TICRR: variants seen among roughly 807,000 people sequenced by gnomAD.
The protein encoded by TICRR is treslin.
A neutral mutation model predicts 178.1 loss-of-function variants in TICRR; 132 were observed. That is an observed-to-expected ratio of 0.74 (90% CI 0.64 to 0.86). TICRR has a LOEUF of 0.86. Ranked by LOEUF, TICRR falls within the 40% of genes least tolerant of loss-of-function variation. The pLI is 0.00. For synonymous variants in TICRR, 991 were observed against 900.7 expected, an observed-to-expected ratio of 1.10 and a Z score of -1.79; for missense variants, 2,587 against 2,334.3, an observed-to-expected ratio of 1.11 and a Z score of -2.23.
chr15:89,600,924 T>C lies in TICRR; in HGVS notation c.2153+239T>C, dbSNP rs1429271574. Among the ~76,000 whole-genome samples, 4 of 151,904 alleles carry C rather than the reference T, an allele frequency of 2.6e-5. No homozygotes were observed. In the South Asian group the frequency reaches 8.3e-4, roughly 32 times the overall value. ...AGGTGAGCATGGTGGTGTACACCTG[T>C]AGCCCTAGCTACTTGGGATGCTGAA... On this transcript the variant is annotated intron_variant, in intron 9 of 21. Transcript: ENST00000268138.
At chr15:89,617,731 C>T (rs534588191) in intron 16 of TICRR, among the ~76,000 whole-genome samples, 3 of 142,536 alleles carry the variant, frequency 2.1e-5, no homozygotes, top group South Asian at 2.3e-4. Context: ...CTAGCTCTGT[C>T]GCCAGGCTGG....
chr15:89,580,903 A>G (rs1962713573), intron 1 of TICRR, among the ~76,000 whole-genome samples: 1 of 152,292 alleles, frequency 6.6e-6, no homozygotes, highest in Admixed American at 6.5e-5. Context: ...GTGGTGGCAC[A>G]TGCCTGTACT....
Position 89,576,041 on chromosome 15 carries a change from A to G in TICRR, c.455A>G (p.Asn152Ser). The G allele has an allele frequency of 6.2e-7, 1 of 1,610,486 alleles. No individual in the cohort carries two copies. Among genetic ancestry groups the G allele is most frequent in the South Asian group, 1.1e-5 (1 of 90,792 alleles). Residue 152 changes from asparagine to serine, a missense_variant, in exon 1 of 22, where the codon AAC (asparagine) becomes AGC (serine). Asn to Ser is a conservative substitution (Grantham distance 46). Coordinates refer to ENST00000268138, the MANE Select transcript of TICRR (RefSeq NM_152259.4). The stretch of plus-strand genomic sequence containing the variant: ...GAGGCCGCGCTCGGGGGCTTGGTGA[A>G]CGCCGTCTTCCTCCTGGCCCCCTGT... ...EAEAALGGLV[N>S]AVFLLAPCPH...
At chr15:89,611,666 T>G (rs1224399155) in intron 15 of TICRR, among the ~76,000 whole-genome samples, 1 of 152,128 alleles carries the variant, frequency 6.6e-6, no homozygotes, top group East Asian at 1.9e-4. Context: ...GTTCATTTTT[T>G]TTTTAATTAT....
rs4556765 is a variant in TICRR at position 89,596,031 on chromosome 15, C to A, written c.1900+420C>A. 2.3e-4 allele frequency among the ~76,000 whole-genome samples: 35 copies of A among 151,788 alleles called. No homozygotes were observed. In the South Asian group the frequency reaches 3.5e-3, roughly 15 times the overall value. On this transcript the variant is annotated intron_variant, in intron 7 of 21. Transcript: ENST00000268138. ...GTGTGTGAAATGTGCTTGATACATGCAAGGGAAGGCTGAAACAACAGTACT... is the reference window on the plus strand; with the variant it reads ...GTGTGTGAAATGTGCTTGATACATGAAAGGGAAGGCTGAAACAACAGTACT...
At position 89,608,830 on chromosome 15, in the gene TICRR, T is replaced by C; in HGVS notation, c.2750T>C (p.Phe917Ser). ...GTGACCAAAGTTCGAAGAAATCTTT[T>C]CAACCAGGAATTGCTTTCCCCTTCA... ...QEVTKVRRNL[F>S]NQELLSPSKR... The change falls in exon 15 of 22, where the codon TTC becomes TCC. Residue 917 changes from phenylalanine to serine, a missense_variant. Phe to Ser is a radical substitution (Grantham distance 155). Coordinates refer to ENST00000268138, the MANE Select transcript of TICRR (RefSeq NM_152259.4). 1.2e-6 allele frequency: 2 copies of C among 1,602,440 alleles called. No homozygotes were observed. Among genetic ancestry groups the C allele is most frequent in the Non-Finnish European group, 8.5e-7 (1 of 1,176,208 alleles).
chr15:89,598,925 TGA>T (rs1230397412), intron 7 of TICRR, among the ~76,000 whole-genome samples: 2 of 152,104 alleles, frequency 1.3e-5, no homozygotes, highest in African/African-American at 4.8e-5. Context: ...GAAGATCACT[TGA>T]GCCTGCCTGG....
intron 1 of TICRR, among the ~76,000 whole-genome samples, chr15:89,578,275 A>C (rs1245438556): frequency 6.6e-6 from 1 of 152,252 alleles, no homozygotes; most frequent in East Asian, 1.9e-4. Flanking sequence ...TTACAGATGG[A>C]AAATGAGCAA....
At chr15:89,586,780 G>A (rs1449717310) in intron 4 of TICRR, among the ~76,000 whole-genome samples, 1 of 152,188 alleles carries the variant, frequency 6.6e-6, no homozygotes, top group Non-Finnish European at 1.5e-5. Flanking sequence ...GGAAGCCTGT[G>A]GCTGCAGTGA....
chr15:89,601,198 T>C, intron 9 of TICRR, 100 bp from the exon 10 acceptor site: 1 of 950,002 alleles, frequency 1.1e-6, no homozygotes, highest in Non-Finnish European at 1.6e-6. Context: ...TCCTCCTTTT[T>C]GGTTGTTGTG....
At chr15:89,619,292 C>G (rs1963385958) in intron 17 of TICRR, among the ~76,000 whole-genome samples, 2 of 131,938 alleles carry the variant, frequency 1.5e-5, no homozygotes, top group Non-Finnish European at 3.1e-5. Flanking sequence ...CTGGCATGCT[C>G]TCCGCTCACT....
chr15:89,583,706 T>G (rs541826612), intron 2 of TICRR, among the ~76,000 whole-genome samples: 1 of 152,244 alleles, frequency 6.6e-6, no homozygotes, highest in South Asian at 2.1e-4. Flanking sequence ...GACAAGGTCT[T>G]GCTTTGTCAC....
rs541956530 is a variant in TICRR at position 89,606,951 on chromosome 15, T to A, written c.2722+126T>A. 3.1e-5 allele frequency: 22 copies of A among 701,530 alleles called. No homozygotes were observed. In the South Asian group the frequency reaches 4.0e-4, roughly 13 times the overall value. 43.5% of individuals were successfully genotyped at this position (701,530 alleles called of 1,614,324 possible). A position where few individuals can be genotyped will look rare whatever the true frequency, so the allele number is the denominator to read the frequency against. On this transcript the variant is annotated intron_variant, in intron 14 of 21. Transcript: ENST00000268138. ...TGTATGATTGTTGGCTAATAAAATA[T>A]GTCCAAATACCATGGACATAGTCCC...
rs1048496133 is a variant in TICRR at position 89,585,767 on chromosome 15, C to G, written c.1236C>G (p.Leu412=). 1 of 1,614,164 alleles carries G rather than the reference C, an allele frequency of 6.2e-7. No homozygotes were observed. Among genetic ancestry groups the G allele is most frequent in the East Asian group, 2.2e-5 (1 of 44,890 alleles). Residue 412 remains leucine, a synonymous_variant, in exon 4 of 22, where the codon CTC becomes CTG. Transcript: ENST00000268138. ...RPPITGVISP[L]SASAMILTVC... ...CCATCACTGGAGTTATTTCCCCACTCTCTGCCAGTGCTATGATCCTCACTG... is the reference window on the plus strand; with the variant it reads ...CCATCACTGGAGTTATTTCCCCACTGTCTGCCAGTGCTATGATCCTCACTG...
At chr15:89,581,939 C>T (rs1025504820) in intron 1 of TICRR, among the ~76,000 whole-genome samples, 1 of 152,172 alleles carries the variant, frequency 6.6e-6, no homozygotes, top group African/African-American at 2.4e-5. Context: ...GTGGGCAAGT[C>T]AGAGTGATGG....
chr15:89,625,742 C>T lies in TICRR; in HGVS notation c.5432C>T (p.Ala1811Val), dbSNP rs769022345. The change falls in exon 20 of 22, where the codon GCA becomes GTA. Residue 1811 changes from alanine (A) to valine (V), a missense_variant. Physicochemically the swap from Ala to Val is moderately conservative, Grantham distance 64 (BLOSUM62 0). Coordinates refer to ENST00000268138, the MANE Select transcript of TICRR (RefSeq NM_152259.4). ...KSKEGSPSWSAWQLPSTGDEE... is the reference protein window; with the variant it reads ...KSKEGSPSWSVWQLPSTGDEE... ...AAAGAGGGGTCTCCAAGTTGGAGTG[C>T]ATGGCAGCTACCCTCCACGGGAGAC... 2 of 1,612,804 alleles carry T rather than the reference C, an allele frequency of 1.2e-6. No homozygotes were observed. Among genetic ancestry groups the T allele is most frequent in the Non-Finnish European group, 1.7e-6 (2 of 1,179,690 alleles).
At chr15:89,621,296 C>A in intron 18 of TICRR, 97 bp from the exon 19 acceptor site, 1 of 1,283,846 alleles carries the variant, frequency 7.8e-7, no homozygotes, top group South Asian at 1.5e-5. Context: ...GCTGGGATTA[C>A]AGGCGTGAGC....
intron 1 of TICRR, chr15:89,580,136 G>C (rs1220528624): frequency 6.6e-6 from 1 of 152,284 alleles, no homozygotes; most frequent in Non-Finnish European, 1.5e-5. Context: ...TCCTGCATCA[G>C]CCTCCCTGGT....
At position 89,594,467 on chromosome 15, in the gene TICRR, G is replaced by A. The variant is rs747451969; in HGVS notation, c.1594G>A (p.Glu532Lys). ...NKEESSKTEGELIHCLAELYQ... is the reference protein window; with the variant it reads ...NKEESSKTEGKLIHCLAELYQ... ...GGAAGAGTCTTCCAAAACTGAAGGC[G>A]AATTAATACATTGCCTTGCCGAGCT... Residue 532 changes from glutamate (E) to lysine (K), a missense_variant, in exon 6 of 22, where the codon GAA (glutamate) becomes AAA (lysine). Glu to Lys is a moderately conservative substitution (Grantham distance 56). Coordinates refer to ENST00000268138, the MANE Select transcript of TICRR (RefSeq NM_152259.4). 10 of 1,612,442 alleles carry A rather than the reference G, an allele frequency of 6.2e-6. No homozygotes were observed. The African/African-American group carries it at 9.4e-5, about 15-fold the overall frequency.
Sources: gnomAD v4.1 joint callset for allele counts (sites outside exome capture counted in the v4.1 genomes callset) on GRCh38, gnomAD v4.1.1 for gene constraint, MANE v1.5 for transcripts, NCBI Gene and HGNC (gene_info 2026-07-23, HGNC 2026-07-21) for gene names.